The following LPP variants were observed in gnomAD, a reference collection of about 807,000 sequenced individuals.
LPP encodes the protein lipoma-preferred partner.
LPP carries 38 observed loss-of-function variants against 60.4 expected under a neutral mutation model. The ratio of observed to expected loss-of-function variants is 0.63; its 90% confidence interval spans 0.49 to 0.83. LPP has a LOEUF of 0.83. LPP is among the 40% of genes least tolerant of loss of function. LPP has a pLI of 0.00. For missense variants in LPP, 902 were observed against 783.6 expected (o/e 1.15, Z -1.80); for synonymous variants, 328 against 290.8 (o/e 1.13, Z -1.30).
In LPP at chr3:188,887,862, T is replaced by C. The variant is rs1274389615; in HGVS notation, c.*13383T>C. 4.7e-6 allele frequency: 1 copy of C among 212,268 alleles called. No individual in the cohort carries two copies. The highest frequency in any genetic ancestry group is 9.5e-6 in the Non-Finnish European group (1 of 104,898). 13.1% of individuals were successfully genotyped at this position (212,268 alleles called of 1,614,324 possible). A position where few individuals can be genotyped will look rare whatever the true frequency, so the allele number is the denominator to read the frequency against. On this transcript the variant is annotated 3_prime_UTR_variant, in exon 12 of 12. Transcript: ENST00000617246. ...TACCCATTTCCTCTCTTGGGAAAGCTGATGAGCAAATTATCCAAGACTCAT... is the reference window on the plus strand; with the variant it reads ...TACCCATTTCCTCTCTTGGGAAAGCCGATGAGCAAATTATCCAAGACTCAT...
chr3:188,676,557 A>G (rs989189558), intron 7 of LPP, among the ~76,000 whole-genome samples: 2 of 152,224 alleles, frequency 1.3e-5, no homozygotes, highest in African/African-American at 4.8e-5. Flanking sequence ...TACTTGAAAA[A>G]GGTAAAATTC....
At chr3:188,203,616 A>G (rs1440576576) in intron 1 of LPP, among the ~76,000 whole-genome samples, 3 of 115,014 alleles carry the variant, frequency 2.6e-5, no homozygotes, top group Non-Finnish European at 5.0e-5. Flanking sequence ...TATATATTTA[A>G]ATATATATAC....
intron 4 of LPP, among the ~76,000 whole-genome samples, chr3:188,451,781 A>T: frequency 6.6e-6 from 1 of 152,228 alleles, no homozygotes; most frequent in East Asian, 1.9e-4. Flanking sequence ...AGGAATATTC[A>T]GACAGAGAGA....
chr3:188,766,908 A>G, intron 9 of LPP, among the ~76,000 whole-genome samples: 1 of 152,210 alleles, frequency 6.6e-6, no homozygotes, highest in South Asian at 2.1e-4. Context: ...ACATGTGGTT[A>G]CATACACACA....
intron 4 of LPP, among the ~76,000 whole-genome samples, chr3:188,476,598 T>C (rs1405864511): frequency 1.3e-5 from 2 of 152,220 alleles, no homozygotes; most frequent in Admixed American, 1.3e-4. Flanking sequence ...CCCTATACTA[T>C]TATCAATTCT....
chr3:188,220,055 AT>A (rs1715192420), intron 1 of LPP, among the ~76,000 whole-genome samples: 1 of 152,120 alleles, frequency 6.6e-6, no homozygotes, highest in African/African-American at 2.4e-5. Context: ...TGGGATATGG[AT>A]TTGAATCCCG....
chr3:188,533,196 T>G (rs2150300273), intron 6 of LPP, among the ~76,000 whole-genome samples: 1 of 152,310 alleles, frequency 6.6e-6, no homozygotes, highest in Non-Finnish European at 1.5e-5. Flanking sequence ...GGATCTTCCC[T>G]TCTCATGTGT....
intron 1 of LPP, among the ~76,000 whole-genome samples, chr3:188,201,178 G>A (rs1730985774): frequency 6.6e-6 from 1 of 152,164 alleles, no homozygotes; most frequent in African/African-American, 2.4e-5. Context: ...TGGCAATGTG[G>A]GGAGAGAGAA....
chr3:188,863,956 A>T (rs1012624117), intron 9 of LPP, among the ~76,000 whole-genome samples: 1 of 46,292 alleles, frequency 2.2e-5, no homozygotes, highest in South Asian at 1.2e-3. Flanking sequence ...AGGGCTGACT[A>T]AAAAAAAAAA....
chr3:188,811,394 G>A (rs1050489934), intron 9 of LPP, among the ~76,000 whole-genome samples: 22 of 145,758 alleles, frequency 1.5e-4, no homozygotes, highest in African/African-American at 3.8e-4. Flanking sequence ...ACGCACACAC[G>A]CTCAAAGAGT....
intron 8 of LPP, among the ~76,000 whole-genome samples, chr3:188,726,904 A>T (rs1358145071): frequency 6.6e-6 from 1 of 152,230 alleles, no homozygotes; most frequent in East Asian, 1.9e-4. Context: ...GCTTTCTCAG[A>T]CACAAATTCT....
chr3:188,791,390 T>C (rs1278883641), intron 9 of LPP, among the ~76,000 whole-genome samples: 2 of 152,138 alleles, frequency 1.3e-5, no homozygotes, highest in African/African-American at 2.4e-5. Context: ...ATGCTCTGTC[T>C]CTAGTTGTTC....
intron 9 of LPP, among the ~76,000 whole-genome samples, chr3:188,816,333 C>T (rs556060450): frequency 4.7e-4 from 71 of 151,752 alleles, no homozygotes; most frequent in African/African-American, 1.7e-3. Context: ...TCCCGAGTAG[C>T]TGGGACTACA....
intron 3 of LPP, among the ~76,000 whole-genome samples, chr3:188,343,183 G>A (rs1032100837): frequency 1.3e-5 from 2 of 151,962 alleles, no homozygotes; most frequent in Non-Finnish European, 1.5e-5. Context: ...ACCCATCAAC[G>A]GGCCCCGATG....
chr3:188,261,759 T>C (rs1370059098), intron 2 of LPP, among the ~76,000 whole-genome samples: 1 of 145,652 alleles, frequency 6.9e-6, no homozygotes, highest in African/African-American at 2.5e-5. Flanking sequence ...AAAAAAAAAA[T>C]ATATATTAGC....
intron 1 of LPP, among the ~76,000 whole-genome samples, chr3:188,221,190 C>T (rs552635373): frequency 3.3e-5 from 5 of 152,180 alleles, no homozygotes; most frequent in Non-Finnish European, 7.3e-5. Context: ...TCATCCTTCT[C>T]AAGGCCTTTG....
intron 6 of LPP, among the ~76,000 whole-genome samples, chr3:188,569,285 A>G (rs1473096712): frequency 2.0e-5 from 3 of 151,980 alleles, no homozygotes; most frequent in Non-Finnish European, 4.4e-5. Context: ...CACTAGGGAC[A>G]GGAGTCTGGG....
intron 9 of LPP, among the ~76,000 whole-genome samples, chr3:188,782,617 T>A (rs1418507001): frequency 6.6e-6 from 1 of 152,030 alleles, no homozygotes; most frequent in Non-Finnish European, 1.5e-5. Flanking sequence ...GCCTTCTCTG[T>A]CAAATAGATC....
At chr3:188,552,095 A>G (rs1579890251) in intron 6 of LPP, among the ~76,000 whole-genome samples, 1 of 152,200 alleles carries the variant, frequency 6.6e-6, no homozygotes, top group Admixed American at 6.5e-5. Flanking sequence ...CCTCTGTCAA[A>G]TGAGAGATTT....
Sources: allele counts gnomAD v4.1 joint callset (sites outside exome capture counted in the v4.1 genomes callset), GRCh38; gene constraint gnomAD v4.1.1; transcripts MANE v1.5; gene names NCBI Gene and HGNC (gene_info 2026-07-23, HGNC 2026-07-21).